The following LRP1B variants were observed in gnomAD, a reference collection of about 807,000 sequenced individuals.
The protein encoded by LRP1B is low-density lipoprotein receptor-related protein 1B.
LRP1B carries 217 observed loss-of-function variants against 556.6 expected under a neutral mutation model. That is an observed-to-expected ratio of 0.39 (90% confidence interval 0.35 to 0.44). LRP1B has a LOEUF of 0.44. Among genes scored for constraint, LRP1B ranks in the 20% least tolerant of loss-of-function variants. The pLI is 1.00. For missense variants in LRP1B, 5,053 were observed against 5,620.8 expected, an observed-to-expected ratio of 0.90 and a Z score of 3.23; for synonymous variants, 2,047 against 1,865.8, an observed-to-expected ratio of 1.10 and a Z score of -2.50.
At chr2:140,684,076 C>T (rs1310868984) in intron 41 of LRP1B, among the ~76,000 whole-genome samples, 1 of 152,008 alleles carries the variant, frequency 6.6e-6, no homozygotes, top group East Asian at 1.9e-4. Flanking sequence ...TTTAATAATA[C>T]CAATGAGGAT....
At chr2:141,618,453 T>C (rs1301859578) in intron 2 of LRP1B, among the ~76,000 whole-genome samples, 1 of 152,220 alleles carries the variant, frequency 6.6e-6, no homozygotes. Context: ...GAACATTCAT[T>C]GAACATACAG....
intron 77 of LRP1B, among the ~76,000 whole-genome samples, chr2:140,345,573 T>G (rs2105104590): frequency 6.6e-6 from 1 of 150,604 alleles, no homozygotes; most frequent in South Asian, 2.1e-4. Flanking sequence ...GGCTTCATAG[T>G]TTTATGTATG....
intron 84 of LRP1B, among the ~76,000 whole-genome samples, chr2:140,294,937 C>T (rs1006902157): frequency 6.6e-5 from 10 of 152,170 alleles, no homozygotes; most frequent in Admixed American, 1.3e-4. Context: ...AGTGCAGTGG[C>T]GTGATCTCGG....
At chr2:140,565,975 T>C (rs1681110410) in intron 43 of LRP1B, among the ~76,000 whole-genome samples, 1 of 151,960 alleles carries the variant, frequency 6.6e-6, no homozygotes, top group African/African-American at 2.4e-5. Context: ...CTGCCTGGAG[T>C]CCACACGGCT....
intron 32 of LRP1B, among the ~76,000 whole-genome samples, chr2:140,806,477 T>C (rs191455501): frequency 1.3e-5 from 2 of 152,116 alleles, no homozygotes; most frequent in African/African-American, 4.8e-5. Flanking sequence ...TATAGTAGAA[T>C]AGCAGAGAAT....
chr2:141,038,261 CAAGT>C (rs1698595830), intron 11 of LRP1B, among the ~76,000 whole-genome samples: 2 of 151,984 alleles, frequency 1.3e-5, no homozygotes, highest in South Asian at 2.1e-4. Flanking sequence ...AAGTGGGAAA[CAAGT>C]AAGATTTGAT....
intron 41 of LRP1B, among the ~76,000 whole-genome samples, chr2:140,697,009 T>G (rs978809428): frequency 1.3e-5 from 2 of 152,172 alleles, no homozygotes; most frequent in African/African-American, 4.8e-5. Context: ...GATTTTCCAT[T>G]TTGTAGGTAA....
At chr2:141,958,735 T>C (rs193265049) in intron 1 of LRP1B, among the ~76,000 whole-genome samples, 1 of 152,110 alleles carries the variant, frequency 6.6e-6, no homozygotes, top group African/African-American at 2.4e-5. Context: ...ACCTACATTC[T>C]GCTGCATAAT....
rs1476981243 is a variant in LRP1B, at chr2:140,297,905, C to T, written c.12870G>A (p.Glu4290=). The change falls in exon 84 of 91, where the codon GAG becomes GAA. Residue 4290 remains glutamate (E), a synonymous_variant. Coordinates refer to ENST00000389484, the MANE Select transcript of LRP1B (RefSeq NM_018557.3). Reference sequence around the variant, plus strand: ...AGGTTCCTCCATTTTGACAAAAATCCTCACAGACTGTCTTACCACAGTTTG... The same window carrying T: ...AGGTTCCTCCATTTTGACAAAAATCTTCACAGACTGTCTTACCACAGTTTG... The part of the protein sequence containing the change: ...TGPNCGKTVC[E]DFCQNGGTCI... 9.3e-6 allele frequency: 15 copies of T among 1,613,848 alleles called. No homozygotes were observed. The highest frequency in any genetic ancestry group is 3.3e-5 in the Admixed American group (2 of 59,994).
intron 2 of LRP1B, among the ~76,000 whole-genome samples, chr2:141,556,117 T>A (rs535620126): frequency 7.2e-5 from 11 of 151,986 alleles, no homozygotes; most frequent in African/African-American, 2.4e-4. Flanking sequence ...AATGTTTTCC[T>A]GTTATCCATT....
intron 43 of LRP1B, among the ~76,000 whole-genome samples, chr2:140,580,314 C>G (rs543922479): frequency 6.6e-6 from 1 of 152,276 alleles, no homozygotes; most frequent in South Asian, 2.1e-4. Flanking sequence ...CAAATACTAT[C>G]ATGCATTCCA....
chr2:140,706,714 C>T (rs1686850880), intron 37 of LRP1B, among the ~76,000 whole-genome samples: 1 of 152,048 alleles, frequency 6.6e-6, no homozygotes, highest in Admixed American at 6.6e-5. Context: ...CTGGAGCGCC[C>T]AAAGGCCTAG....
chr2:140,487,805 G>A, intron 57 of LRP1B, 66 bp from the exon 58 acceptor site: 3 of 1,100,942 alleles, frequency 2.7e-6, no homozygotes, highest in Non-Finnish European at 3.9e-6. Context: ...TGTTTTAGGA[G>A]TTTACAGGAA....
At chr2:140,833,451 T>G (rs1008718896) in intron 31 of LRP1B, among the ~76,000 whole-genome samples, 2 of 152,198 alleles carry the variant, frequency 1.3e-5, no homozygotes, top group Non-Finnish European at 2.9e-5. Flanking sequence ...AAATCTTACG[T>G]GTTTTTATTA....
chr2:140,722,982 G>T (rs1367944550), intron 35 of LRP1B, among the ~76,000 whole-genome samples: 1 of 152,200 alleles, frequency 6.6e-6, no homozygotes. Flanking sequence ...GGCAGTGATT[G>T]CAGTGAGCCG....
At chr2:140,797,694 A>C (rs1469971063) in intron 32 of LRP1B, among the ~76,000 whole-genome samples, 1 of 152,118 alleles carries the variant, frequency 6.6e-6, no homozygotes, top group Non-Finnish European at 1.5e-5. Context: ...TTTCAGTATA[A>C]TACTTTAATG....
chr2:142,079,754 C>T (rs1007217835), intron 1 of LRP1B, among the ~76,000 whole-genome samples: 3 of 152,208 alleles, frequency 2.0e-5, no homozygotes, highest in Admixed American at 6.5e-5. Flanking sequence ...AGGTAATCCA[C>T]TCACCTTGGC....
chr2:141,047,597 T>C (rs1698912848), intron 11 of LRP1B, among the ~76,000 whole-genome samples: 1 of 152,102 alleles, frequency 6.6e-6, no homozygotes. Context: ...TTTGTTCACA[T>C]TATTCTTTGA....
In LRP1B at chr2:140,494,606, CAAA is replaced by C. The variant is rs77006034; in HGVS notation, c.9034+956_9034+958del. Among the ~76,000 whole-genome samples the C allele has an allele frequency of 3.9e-3, 249 of 64,148 alleles. 2 individuals are homozygous for C. The highest frequency in any genetic ancestry group is 0.015 in the African/African-American group (238 of 16,328). 42.1% of individuals were successfully genotyped at this position (64,148 alleles called of 152,430 possible). A position where few individuals can be genotyped will look rare whatever the true frequency, so the allele number is the denominator to read the frequency against. ...TGGGTGACAGAGCGAGACTCCGTCT[CAAA>C]AAAAAAAAAAAAAAAAAAAATTGTC... On this transcript the variant is annotated intron_variant, in intron 56 of 90. Coordinates refer to ENST00000389484, the MANE Select transcript of LRP1B (RefSeq NM_018557.3).
Sources: allele counts gnomAD v4.1 joint callset (sites outside exome capture counted in the v4.1 genomes callset), GRCh38; gene constraint gnomAD v4.1.1; transcripts MANE v1.5; gene names NCBI Gene and HGNC (gene_info 2026-07-23, HGNC 2026-07-21).